The following YEATS2 variants were observed in gnomAD, a reference collection of about 807,000 sequenced individuals.
The protein encoded by YEATS2 is YEATS domain-containing protein 2.
A neutral mutation model predicts 163.2 loss-of-function variants in YEATS2; 77 were observed. That is an observed-to-expected ratio of 0.47 (90% CI 0.39 to 0.57). The LOEUF (loss-of-function observed/expected upper bound fraction) is 0.57, where lower values mean the gene tolerates loss of function less well. Among genes scored for constraint, YEATS2 ranks in the 20% least tolerant of loss-of-function variants. The probability of loss-of-function intolerance (pLI) is 0.00; values close to 1 mark genes in which losing one functional copy is unlikely to be tolerated. For missense variants in YEATS2, 1,549 were observed against 1,729.8 expected (o/e 0.90, Z 1.85); for synonymous variants, 631 against 645.1 (o/e 0.98, Z 0.33).
intron 1 of YEATS2, among the ~76,000 whole-genome samples, chr3:183,708,404 A>G (rs1014511296): frequency 3.3e-5 from 5 of 152,122 alleles, no homozygotes; most frequent in Non-Finnish European, 7.4e-5. Flanking sequence ...GCAAAACACA[A>G]TGGTAGAGTT....
At chr3:183,800,856 C>T (rs1035288021) in intron 24 of YEATS2, 6 of 300,682 alleles carry the variant, frequency 2.0e-5, no homozygotes, top group Admixed American at 4.8e-5. Flanking sequence ...CTGCTGAGCC[C>T]GTAGGCACAA....
intron 21 of YEATS2, among the ~76,000 whole-genome samples, chr3:183,796,824 A>G (rs1577212296): frequency 1.3e-5 from 2 of 152,322 alleles, no homozygotes; most frequent in East Asian, 1.9e-4. Context: ...CAAACATGGA[A>G]GAGTACTATC....
At chr3:183,713,842 G>T (rs1052187055) in intron 1 of YEATS2, among the ~76,000 whole-genome samples, 1 of 152,152 alleles carries the variant, frequency 6.6e-6, no homozygotes, top group South Asian at 2.1e-4. Flanking sequence ...GTATTGCTCT[G>T]TCGCCCACAC....
chr3:183,786,263 C>T lies in YEATS2; in HGVS notation c.2875C>T (p.Pro959Ser), dbSNP rs1724053281. Residue 959 changes from proline (P) to serine (S), a missense_variant, in exon 20 of 31, where the codon CCT (proline) becomes TCT (serine). Pro to Ser is a moderately conservative substitution (Grantham distance 74). Transcript: ENST00000305135. ...AGGVITTATS[P>S]AVALSANGPA... is the part of the protein sequence containing the mutation. ...AGGGGTTATCACAACTGCCACTTCC[C>T]CTGCCGTGGCCCTCTCAGCAAACGG... The T allele has an allele frequency of 6.2e-7, 1 of 1,613,900 alleles. No homozygotes were observed. The highest frequency in any genetic ancestry group is 2.2e-5 in the East Asian group (1 of 44,880).
At chr3:183,745,422 C>G (rs1246939645) in intron 8 of YEATS2, among the ~76,000 whole-genome samples, 1 of 152,138 alleles carries the variant, frequency 6.6e-6, no homozygotes, top group Non-Finnish European at 1.5e-5. Flanking sequence ...CTAGCCATGG[C>G]AGTCTATTCA....
At chr3:183,782,219 C>G (rs1034052320) in intron 19 of YEATS2, among the ~76,000 whole-genome samples, 12 of 152,078 alleles carry the variant, frequency 7.9e-5, no homozygotes, top group Non-Finnish European at 1.6e-4. Context: ...AAGCGATTCT[C>G]CTGCCTCAGC....
At chr3:183,702,344 C>G (rs1408095197) in intron 1 of YEATS2, among the ~76,000 whole-genome samples, 3 of 152,082 alleles carry the variant, frequency 2.0e-5, no homozygotes, top group Admixed American at 2.0e-4. Context: ...ACTTGGGAGG[C>G]TGTGGCTGGA....
chr3:183,767,688 T>C (rs1312638179), intron 15 of YEATS2, among the ~76,000 whole-genome samples: 1 of 152,018 alleles, frequency 6.6e-6, no homozygotes, highest in East Asian at 1.9e-4. Context: ...GCCATTTTTT[T>C]TATTTTTTAA....
chr3:183,758,715 A>G (rs1431154371), intron 12 of YEATS2, 147 bp from the exon 13 acceptor site: 2 of 642,840 alleles, frequency 3.1e-6, no homozygotes, highest in African/African-American at 1.9e-5. Flanking sequence ...GTTTTTTTCC[A>G]TACTAGTTTC....
At chr3:183,730,280 G>C (rs925388312) in intron 7 of YEATS2, among the ~76,000 whole-genome samples, 11 of 151,508 alleles carry the variant, frequency 7.3e-5, no homozygotes, top group African/African-American at 2.7e-4. Context: ...GGCCAGGCTG[G>C]TCTTGAACTC....
intron 7 of YEATS2, among the ~76,000 whole-genome samples, chr3:183,732,752 G>A (rs530291237): frequency 3.3e-5 from 5 of 151,748 alleles, no homozygotes; most frequent in African/African-American, 1.2e-4. Flanking sequence ...AGTAGAGATG[G>A]GGTTTCACTT....
At chr3:183,758,294 T>C (rs891786096) in intron 12 of YEATS2, among the ~76,000 whole-genome samples, 1 of 151,988 alleles carries the variant, frequency 6.6e-6, no homozygotes, top group African/African-American at 2.4e-5. Context: ...TAGGTGGAGG[T>C]TGCAGTGAGC....
chr3:183,715,148 G>A lies in YEATS2; in HGVS notation c.-15G>A. On this transcript the variant is annotated 5_prime_UTR_variant, in exon 2 of 31. Coordinates refer to ENST00000305135, the MANE Select transcript of YEATS2 (RefSeq NM_018023.5). The stretch of plus-strand genomic sequence containing the variant: ...TAATTTATCATTGCTTCACAGTGAA[G>A]AACTGAATGTCATCATGTCTGGAAT... 6.3e-7 allele frequency: 1 copy of A among 1,587,254 alleles called. No homozygotes were observed. Among genetic ancestry groups the A allele is most frequent in the Non-Finnish European group, 8.6e-7 (1 of 1,157,936 alleles).
chr3:183,773,564 T>A, intron 16 of YEATS2, 69 bp from the exon 17 acceptor site: 4 of 1,429,296 alleles, frequency 2.8e-6, no homozygotes, highest in Non-Finnish European at 3.8e-6. Context: ...TATTGCCTTG[T>A]ATTTTAATTT....
chr3:183,810,269 A>T, intron 30 of YEATS2: 3 of 505,726 alleles, frequency 5.9e-6, no homozygotes, highest in Non-Finnish European at 1.1e-5. Context: ...TTTCCTAATT[A>T]TTCAACCAAC....
At chr3:183,714,665 T>C (rs1251678668) in intron 1 of YEATS2, among the ~76,000 whole-genome samples, 2 of 152,230 alleles carry the variant, frequency 1.3e-5, no homozygotes, top group Admixed American at 6.5e-5. Context: ...AGGATCTGTA[T>C]AATCAATTAT....
Position 183,795,483 on chromosome 3 carries a change from T to TTTTTTTA in YEATS2, c.3098-2440_3098-2439insTTTTTTA, listed in dbSNP as rs146253574. Among the ~76,000 whole-genome samples the TTTTTTTA allele has an allele frequency of 8.9e-5, 11 of 124,010 alleles. 1 individual carries two copies. Among genetic ancestry groups the TTTTTTTA allele is most frequent in the Admixed American group, 1.8e-4 (2 of 11,356 alleles). 81.4% of individuals were successfully genotyped at this position (124,010 alleles called of 152,430 possible). On this transcript the variant is annotated intron_variant, in intron 21 of 30. Coordinates refer to ENST00000305135, the MANE Select transcript of YEATS2 (RefSeq NM_018023.5). ...TTTTTTTTTTTTTTTTTTTTTTTTT[T>TTTTTTTA]AGAGACGGGGTCTTGCTTTGTTGCC...
intron 15 of YEATS2, among the ~76,000 whole-genome samples, chr3:183,768,933 C>T (rs1221692160): frequency 1.3e-5 from 2 of 152,178 alleles, no homozygotes; most frequent in African/African-American, 2.4e-5. Flanking sequence ...GATCGTGCCA[C>T]CGCACTCCAG....
chr3:183,752,008 G>T, intron 9 of YEATS2, 65 bp from the exon 10 acceptor site: 1 of 1,564,976 alleles, frequency 6.4e-7, no homozygotes. Flanking sequence ...ATTCTTGGAC[G>T]GGACTTGAGC....
Sources: allele counts gnomAD v4.1 joint callset (sites outside exome capture counted in the v4.1 genomes callset), GRCh38; gene constraint gnomAD v4.1.1; transcripts MANE v1.5; gene names NCBI Gene and HGNC (gene_info 2026-07-23, HGNC 2026-07-21).